Variants in SIN3A observed in about 807,000 individuals in gnomAD.
The protein encoded by SIN3A is SIN3 transcription regulator family member A.
SIN3A carries 14 observed loss-of-function variants against 146.1 expected under a neutral mutation model. The ratio of observed to expected loss-of-function variants is 0.10; its 90% CI spans 0.06 to 0.15. The LOEUF (loss-of-function observed/expected upper bound fraction) is 0.15, where lower values mean the gene tolerates loss of function less well. Ranked by LOEUF, SIN3A falls within the 10% of genes least tolerant of loss-of-function variation. The pLI is 1.00. For missense variants in SIN3A, 1,028 were observed against 1,576.0 expected (o/e 0.65, Z 5.89); for synonymous variants, 572 against 572.0 (o/e 1.00, Z 0.00).
At chr15:75,403,195 G>A (rs1355251714) in intron 9 of SIN3A, among the ~76,000 whole-genome samples, 1 of 151,782 alleles carries the variant, frequency 6.6e-6, no homozygotes, top group Non-Finnish European at 1.5e-5. Context: ...GGCCGAGGTG[G>A]GTGGATCACC....
chr15:75,455,261 C>T (rs1180895076), upstream of SIN3A, among the ~76,000 whole-genome samples: 2 of 152,174 alleles, frequency 1.3e-5, no homozygotes, highest in Non-Finnish European at 2.9e-5. Context: ...AGCTCTCGAG[C>T]AACTCCGAGC....
intron 2 of SIN3A, among the ~76,000 whole-genome samples, chr15:75,427,182 G>A (rs1287755769): frequency 1.3e-5 from 2 of 151,956 alleles, no homozygotes; most frequent in African/African-American, 4.8e-5. Context: ...AGACCAGCCT[G>A]CCCAACATGG....
chr15:75,410,052 A>G, intron 7 of SIN3A, 61 bp from the exon 8 acceptor site: 1 of 1,605,900 alleles, frequency 6.2e-7, no homozygotes, highest in South Asian at 1.1e-5. Context: ...ATCATCTAGG[A>G]AAAGTCCCCT....
intron 16 of SIN3A, among the ~76,000 whole-genome samples, chr15:75,386,803 T>A (rs141069817): frequency 3.5e-4 from 54 of 152,280 alleles, no homozygotes; most frequent in African/African-American, 1.2e-3. Flanking sequence ...TACAAATCCC[T>A]CTTAAGCCAG....
chr15:75,391,640 G>C (rs990672571), intron 15 of SIN3A, among the ~76,000 whole-genome samples: 2 of 152,164 alleles, frequency 1.3e-5, no homozygotes, highest in Non-Finnish European at 2.9e-5. Flanking sequence ...GAAGCAGGCA[G>C]CACAAAATTA....
chr15:75,394,081 T>TA (rs2073258892), intron 14 of SIN3A, among the ~76,000 whole-genome samples: 1 of 152,202 alleles, frequency 6.6e-6, no homozygotes, highest in Non-Finnish European at 1.5e-5. Flanking sequence ...GTGCTGGGAT[T>TA]ACAGGCATGA....
chr15:75,405,560 G>C (rs1249892862), intron 9 of SIN3A, among the ~76,000 whole-genome samples: 2 of 152,012 alleles, frequency 1.3e-5, no homozygotes, highest in South Asian at 4.1e-4. Flanking sequence ...AGACCAGCCT[G>C]GCCAACATGG....
At chr15:75,416,094 A>C (rs952479318) in intron 3 of SIN3A, 57 of 227,452 alleles carry the variant, frequency 2.5e-4, no homozygotes, top group African/African-American at 1.2e-3. Context: ...GAAGTTTGTA[A>C]ATTTTGAAAT....
At position 75,400,299 on chromosome 15, in the gene SIN3A, A is replaced by G. The variant is rs572477150; in HGVS notation, c.1738-143T>C. On this transcript the variant is annotated intron_variant, in intron 11 of 20. Coordinates refer to ENST00000394947, the MANE Select transcript of SIN3A (RefSeq NM_001145358.2). ...AAATTTCACCTTTAGCAAGTTTACA[A>G]AAAGCTATTAGTAAGAAAAGGGTGC... 8 of 587,000 alleles carry G rather than the reference A, an allele frequency of 1.4e-5. No homozygotes were observed. In the South Asian group the frequency reaches 1.6e-4, roughly 12 times the overall value. 36.4% of individuals were successfully genotyped at this position (587,000 alleles called of 1,614,324 possible).
At position 75,392,232 on chromosome 15, in the gene SIN3A, C is replaced by G; in HGVS notation, c.2851+10G>C. ...CACATCCTCTGTAAATCAGAGGTCTCGGCACTCACTAGGTTCTTTGAGACG... is the reference window on the plus strand; with the variant it reads ...CACATCCTCTGTAAATCAGAGGTCTGGGCACTCACTAGGTTCTTTGAGACG... On this transcript the variant is annotated intron_variant, in intron 15 of 20. Transcript: ENST00000394947. 6.2e-7 allele frequency: 1 copy of G among 1,607,798 alleles called. No individual in the cohort carries two copies. The highest frequency in any genetic ancestry group is 8.5e-7 in the Non-Finnish European group (1 of 1,175,738).
intron 1 of SIN3A, among the ~76,000 whole-genome samples, chr15:75,436,826 T>C (rs935187964): frequency 6.6e-6 from 1 of 151,490 alleles, no homozygotes; most frequent in Non-Finnish European, 1.5e-5. Flanking sequence ...AAATAAGTAC[T>C]ATAAATTGGG....
At chr15:75,443,270 A>T (rs2074248957) in intron 1 of SIN3A, among the ~76,000 whole-genome samples, 1 of 152,240 alleles carries the variant, frequency 6.6e-6, no homozygotes, top group Non-Finnish European at 1.5e-5. Flanking sequence ...GGAAGATGAA[A>T]AACTATGGAT....
intron 1 of SIN3A, among the ~76,000 whole-genome samples, chr15:75,436,964 T>C (rs1348055282): frequency 1.3e-5 from 2 of 152,188 alleles, no homozygotes; most frequent in Non-Finnish European, 2.9e-5. Flanking sequence ...AGTTTAGACT[T>C]GCAGGCAATA....
Position 75,371,865 on chromosome 15 carries a change from A to T in SIN3A, c.*114T>A. On this transcript the variant is annotated 3_prime_UTR_variant, in exon 21 of 21. Coordinates refer to ENST00000394947, the MANE Select transcript of SIN3A (RefSeq NM_001145358.2). ...CACACAGGTCAGGTGGCCATGTCCCAGAGAGGCCCAGTGAGGCTTGAAAGG... is the reference window on the plus strand; with the variant it reads ...CACACAGGTCAGGTGGCCATGTCCCTGAGAGGCCCAGTGAGGCTTGAAAGG... 2 of 931,042 alleles carry T rather than the reference A, an allele frequency of 2.1e-6. No individual in the cohort carries two copies. Among genetic ancestry groups the T allele is most frequent in the Non-Finnish European group, 3.3e-6 (2 of 603,282 alleles). 57.7% of individuals were successfully genotyped at this position (931,042 alleles called of 1,614,324 possible).
rs1300656596 is a variant in SIN3A at position 75,392,465 on chromosome 15, T to A, written c.2628A>T (p.Leu876Phe). Reference sequence around the variant, plus strand: ...GGTTGTATACTTCATCCATTCCTCTTAATTTTTGAGCTGCTGTGTTACTAA... The same window carrying A: ...GGTTGTATACTTCATCCATTCCTCTAAATTTTTGAGCTGCTGTGTTACTAA... ...LLFSNTAAQK[L>F]RGMDEVYNLF... The change falls in exon 15 of 21, where the codon TTA (leucine) becomes TTT (phenylalanine). Residue 876 changes from leucine to phenylalanine, a missense_variant. Around this residue, in one of 9 missense-constraint regions of SIN3A, gnomAD observed 488 missense variants for 690.2 expected, o/e 0.71. Coordinates refer to ENST00000394947, the MANE Select transcript of SIN3A (RefSeq NM_001145358.2). The A allele has an allele frequency of 6.2e-7, 1 of 1,614,120 alleles. No individual in the cohort carries two copies. Among genetic ancestry groups the A allele is most frequent in the Non-Finnish European group, 8.5e-7 (1 of 1,180,046 alleles).
At chr15:75,446,558 C>T (rs960845435) in intron 1 of SIN3A, among the ~76,000 whole-genome samples, 5 of 151,916 alleles carry the variant, frequency 3.3e-5, no homozygotes, top group Non-Finnish European at 7.4e-5. Flanking sequence ...GTGGCACAGT[C>T]ATGGCTCACT....
At chr15:75,414,932 A>G (rs1268515443) in intron 3 of SIN3A, among the ~76,000 whole-genome samples, 2 of 152,228 alleles carry the variant, frequency 1.3e-5, no homozygotes, top group Non-Finnish European at 2.9e-5. Flanking sequence ...ATCTGAAAAC[A>G]GTTTAGTTTG....
At chr15:75,372,336 G>T in intron 20 of SIN3A, 127 bp from the exon 21 acceptor site, 5 of 498,334 alleles carry the variant, frequency 1.0e-5, no homozygotes, top group South Asian at 4.1e-5. Context: ...AGATACCACT[G>T]TTTTTTTCTT....
intron 20 of SIN3A, among the ~76,000 whole-genome samples, chr15:75,373,734 G>C (rs2072800118): frequency 6.7e-6 from 1 of 148,564 alleles, no homozygotes; most frequent in African/African-American, 2.5e-5. Context: ...AACGTAAGGA[G>C]ACCCCGTGTC....
Sources: allele counts gnomAD v4.1 joint callset (sites outside exome capture counted in the v4.1 genomes callset), GRCh38; gene constraint gnomAD v4.1.1; regional missense constraint gnomAD v4.1.1; transcripts MANE v1.5; gene names NCBI Gene and HGNC (gene_info 2026-07-23, HGNC 2026-07-21).